RTN4RL2: variants seen among roughly 807,000 people sequenced by gnomAD.
RTN4RL2 encodes the protein reticulon 4 receptor like 2.
RTN4RL2 carries 9 observed loss-of-function variants against 27.8 expected under a neutral mutation model. That is an observed-to-expected ratio of 0.32 (90% confidence interval 0.20 to 0.57). The LOEUF is 0.57. Among genes scored for constraint, RTN4RL2 ranks in the 20% least tolerant of loss-of-function variants. The pLI is 0.90. For synonymous variants in RTN4RL2, 285 were observed against 297.9 expected (o/e 0.96, Z 0.45); for missense variants, 436 against 596.8 (o/e 0.73, Z 2.81).
At chr11:57,463,747 AG>A (rs910349125) in intron 1 of RTN4RL2, among the ~76,000 whole-genome samples, 7 of 151,930 alleles carry the variant, frequency 4.6e-5, no homozygotes, top group Admixed American at 1.3e-4. Context: ...GAGTGAGAAC[AG>A]GGGGTGGGGA....
intron 1 of RTN4RL2, among the ~76,000 whole-genome samples, chr11:57,463,923 A>C (rs1943503142): frequency 6.6e-6 from 1 of 151,490 alleles, no homozygotes; most frequent in Non-Finnish European, 1.5e-5. Flanking sequence ...AGTGAAGCCC[A>C]GAGCCCCCTC....
In RTN4RL2 at chr11:57,476,338, C is replaced by T. The variant is rs138330746; in HGVS notation, c.690C>T (p.Thr230=). The change falls in exon 3 of 3, where the codon ACC becomes ACT. Residue 230 remains threonine, a synonymous_variant. Transcript: ENST00000335099. The surrounding 1 kb of genome is among the most constrained non-coding windows in gnomAD (Gnocchi z 8.2). The part of the protein sequence containing the change: ...RAAFRGLSRL[T]ILYLFNNSLA... ...CCTTCCGCGGCCTCAGCCGCCTCACCATCCTCTACCTGTTCAACAACAGCC... is the reference window on the plus strand; with the variant it reads ...CCTTCCGCGGCCTCAGCCGCCTCACTATCCTCTACCTGTTCAACAACAGCC... 45 of 1,611,396 alleles carry T rather than the reference C, an allele frequency of 2.8e-5. No homozygotes were observed. Among genetic ancestry groups the T allele is most frequent in the Non-Finnish European group, 2.9e-5 (34 of 1,179,170 alleles).
At position 57,476,168 on chromosome 11, in the gene RTN4RL2, T is replaced by G; in HGVS notation, c.520T>G (p.Leu174Val). The change falls in exon 3 of 3, where the codon TTG becomes GTG. Residue 174 changes from leucine (L) to valine (V), a missense_variant. Transcript: ENST00000335099. The surrounding 1 kb of genome is among the most constrained non-coding windows in gnomAD (Gnocchi z 8.2). ...CCCACTCCACCCCACCCAGGATGACTTGTTCGCGGACCTGGCCAACCTGAG... is the reference window on the plus strand; with the variant it reads ...CCCACTCCACCCCACCCAGGATGACGTGTTCGCGGACCTGGCCAACCTGAG... ...ENSLLHLQDDLFADLANLSHL... is the reference protein window; with the variant it reads ...ENSLLHLQDDVFADLANLSHL... The G allele has an allele frequency of 6.2e-7, 1 of 1,605,394 alleles. No individual in the cohort carries two copies. Among genetic ancestry groups the G allele is most frequent in the Non-Finnish European group, 8.5e-7 (1 of 1,175,100 alleles).
intron 1 of RTN4RL2, among the ~76,000 whole-genome samples, chr11:57,465,990 A>ATTTTTT (rs35174184): frequency 2.6e-5 from 2 of 77,900 alleles, no homozygotes; most frequent in Non-Finnish European, 4.7e-5. Context: ...CATGCCTACA[A>ATTTTTT]TTTTTTTTTT....
Position 57,467,599 on chromosome 11 carries a change from C to A in RTN4RL2, c.32-10C>A. The A allele has an allele frequency of 6.3e-7, 1 of 1,593,820 alleles. No individual in the cohort carries two copies. The highest frequency in any genetic ancestry group is 1.7e-5 in the Admixed American group (1 of 58,296). ...GCCCACCTAGTAAGTTCTGCTTCCC[C>A]TCCCCACAGCTCCCGCCTCGGCCTG... is the stretch of plus-strand genomic sequence containing the variant. On this transcript the variant is annotated splice_polypyrimidine_tract_variant and intron_variant, in intron 1 of 2. Coordinates refer to ENST00000335099, the MANE Select transcript of RTN4RL2 (RefSeq NM_178570.3). This position sits in a 1 kb window ranked among gnomAD's most constrained non-coding sequence, Gnocchi z 5.5.
rs922583665 is a variant in RTN4RL2 at position 57,476,212 on chromosome 11, G to C, written c.564G>C (p.Gly188=). 6.2e-7 allele frequency: 1 copy of C among 1,611,928 alleles called. No individual in the cohort carries two copies. Among genetic ancestry groups the C allele is most frequent in the East Asian group, 2.2e-5 (1 of 44,810 alleles). Residue 188 remains glycine (G), a synonymous_variant, in exon 3 of 3, where the codon GGG becomes GGC. Coordinates refer to ENST00000335099, the MANE Select transcript of RTN4RL2 (RefSeq NM_178570.3). The surrounding 1 kb of genome is among the most constrained non-coding windows in gnomAD (Gnocchi z 8.2). ...ACCTGAGCCACCTCTTCCTCCACGG[G>C]AACCGCCTGCGGCTGCTCACAGAGC... ...LANLSHLFLH[G]NRLRLLTEHV... is the part of the protein sequence containing the mutation.
intron 2 of RTN4RL2, among the ~76,000 whole-genome samples, chr11:57,473,568 A>C (rs1943576837): frequency 1.1e-5 from 1 of 92,240 alleles, no homozygotes. Flanking sequence ...GCCCAGAGGG[A>C]GGGGAGATAG....
intron 2 of RTN4RL2, among the ~76,000 whole-genome samples, chr11:57,474,164 G>A (rs1032375001): frequency 2.0e-5 from 3 of 152,146 alleles, no homozygotes; most frequent in Non-Finnish European, 4.4e-5. Context: ...GAGGTGCAAG[G>A]AGCCAGCTGG....
intron 2 of RTN4RL2, among the ~76,000 whole-genome samples, chr11:57,469,565 ACTTAGAATAGTGCTTGGCATACGG>A (rs1400239166): frequency 6.6e-6 from 1 of 152,184 alleles, no homozygotes; most frequent in Non-Finnish European, 1.5e-5. Context: ...TTTGTAAAGC[ACTTAGAATAGTGCTTGGCATACGG>A]TAAGTGCTAT....
rs1943542974 is a variant in RTN4RL2 at position 57,468,604 on chromosome 11, C to T, written c.513+514C>T. 3.3e-6 allele frequency: 5 copies of T among 1,536,724 alleles called. No individual in the cohort carries two copies. In the East Asian group the frequency reaches 1.2e-4, roughly 38 times the overall value. The stretch of plus-strand genomic sequence containing the variant: ...CCTTTGCAGCTGTTTTTCTCACCCA[C>T]CCTCAAGTCTGCCCACATCACGGTG... On this transcript the variant is annotated intron_variant, in intron 2 of 2. Transcript: ENST00000335099.
Position 57,460,872 on chromosome 11 carries a change from C to G in RTN4RL2, c.7C>G (p.Pro3Ala). 1 of 1,408,156 alleles carries G rather than the reference C, an allele frequency of 7.1e-7. No individual in the cohort carries two copies. The highest frequency in any genetic ancestry group is 9.4e-7 in the Non-Finnish European group (1 of 1,067,244). The allele number at this position is 1,408,156 out of a possible 1,614,324, so 87.2% of individuals were successfully genotyped here. A position where few individuals can be genotyped will look rare whatever the true frequency, so the allele number is the denominator to read the frequency against. Reference sequence around the variant, plus strand: ...CCCCGAGCATCGAGACAAGATGCTGCCCGGGCTCAGGCGCCTGCTGCAAGG... The same window carrying G: ...CCCCGAGCATCGAGACAAGATGCTGGCCGGGCTCAGGCGCCTGCTGCAAGG... Reference protein sequence around the residue: MLPGLRRLLQAPA... With the variant: MLAGLRRLLQAPA... Residue 3 changes from proline to alanine, a missense_variant, in exon 1 of 3, where the codon CCC becomes GCC. Around this residue, in one of 3 missense-constraint regions of RTN4RL2, gnomAD observed 365 missense variants for 530.5 expected, o/e 0.69. Transcript: ENST00000335099.
rs747229249 is a variant in RTN4RL2 at position 57,476,657 on chromosome 11, G to T, written c.1009G>T (p.Ala337Ser). The T allele has an allele frequency of 1.3e-5, 19 of 1,408,104 alleles. No individual in the cohort carries two copies. The East Asian group carries it at 5.4e-4, about 40-fold the overall frequency. 87.2% of individuals were successfully genotyped at this position (1,408,104 alleles called of 1,614,324 possible). A position where few individuals can be genotyped will look rare whatever the true frequency, so the allele number is the denominator to read the frequency against. Reference sequence around the variant, plus strand: ...CAACCACCTGTACGGGGTGGCCGAGGCCGGGGCGCCCCCAGCCGATCCCTC... The same window carrying T: ...CAACCACCTGTACGGGGTGGCCGAGTCCGGGGCGCCCCCAGCCGATCCCTC... ...SSNHLYGVAE[A>S]GAPPADPSTL... The change falls in exon 3 of 3, where the codon GCC (alanine) becomes TCC (serine). Residue 337 changes from alanine to serine, a missense_variant. Around this residue, in one of 3 missense-constraint regions of RTN4RL2, gnomAD observed 365 missense variants for 530.5 expected, o/e 0.69. Transcript: ENST00000335099. This position sits in a 1 kb window ranked among gnomAD's most constrained non-coding sequence, Gnocchi z 8.2.
In RTN4RL2 at chr11:57,467,673, C is replaced by G; in HGVS notation, c.96C>G (p.Pro32=). 6.2e-7 allele frequency: 1 copy of G among 1,611,748 alleles called. No individual in the cohort carries two copies. Among genetic ancestry groups the G allele is most frequent in the Non-Finnish European group, 8.5e-7 (1 of 1,179,918 alleles). Residue 32 remains proline (P), a synonymous_variant, in exon 2 of 3, where the codon CCC becomes CCG. Coordinates refer to ENST00000335099, the MANE Select transcript of RTN4RL2 (RefSeq NM_178570.3). The surrounding 1 kb of genome is among the most constrained non-coding windows in gnomAD (Gnocchi z 5.5). ...TGCCCCTGGCGGCCCCCAGCTGCCC[C>G]ATGCTCTGCACCTGCTACTCATCCC... ...LALPLAAPSC[P]MLCTCYSSPP...
chr11:57,461,340 A>T (rs1943483234), intron 1 of RTN4RL2, among the ~76,000 whole-genome samples: 1 of 151,366 alleles, frequency 6.6e-6, no homozygotes, highest in African/African-American at 2.4e-5. Flanking sequence ...GCAGAGGGAA[A>T]TCCAAGTGGC....
chr11:57,473,967 C>A (rs1344667087), intron 2 of RTN4RL2, among the ~76,000 whole-genome samples: 1 of 152,152 alleles, frequency 6.6e-6, no homozygotes, highest in Non-Finnish European at 1.5e-5. Context: ...TCACTCTCCC[C>A]CAACCCCCGG....
chr11:57,460,654 G>T lies in RTN4RL2; in HGVS notation c.-212G>T. ...CAGCCCCAGCCTTCCCCGCCCCGTC[G>T]CGCCCCGCCCCGTCCCGTCGGGGCC... is the stretch of plus-strand genomic sequence containing the variant. On this transcript the variant is annotated 5_prime_UTR_variant, in exon 1 of 3. Transcript: ENST00000335099. The T allele has an allele frequency of 4.2e-6, 1 of 235,684 alleles. No individual in the cohort carries two copies. Among genetic ancestry groups the T allele is most frequent in the Non-Finnish European group, 8.1e-6 (1 of 122,968 alleles). 14.6% of individuals were successfully genotyped at this position (235,684 alleles called of 1,614,324 possible).
At chr11:57,461,869 G>A (rs1331496327) in intron 1 of RTN4RL2, among the ~76,000 whole-genome samples, 4 of 152,012 alleles carry the variant, frequency 2.6e-5, no homozygotes, top group Non-Finnish European at 5.9e-5. Flanking sequence ...GAGGGAAGAG[G>A]AGGAGGAAGA....
chr11:57,472,364 C>T (rs1480224147), intron 2 of RTN4RL2, among the ~76,000 whole-genome samples: 1 of 151,926 alleles, frequency 6.6e-6, no homozygotes, highest in Non-Finnish European at 1.5e-5. Context: ...AGACATGTGC[C>T]ACCATGTCCA....
chr11:57,461,690 G>A (rs957932521), intron 1 of RTN4RL2, among the ~76,000 whole-genome samples: 3 of 152,014 alleles, frequency 2.0e-5, no homozygotes, highest in Non-Finnish European at 4.4e-5. Context: ...CTGGGATGGA[G>A]GTAGCGGGAA....
Sources: gnomAD v4.1 joint callset for allele counts (sites outside exome capture counted in the v4.1 genomes callset) on GRCh38, gnomAD v4.1.1 for gene constraint, gnomAD v4.1.1 regional missense constraint, Gnocchi (gnomAD v3.1) non-coding constraint, MANE v1.5 for transcripts, NCBI Gene and HGNC (gene_info 2026-07-23, HGNC 2026-07-21) for gene names.